Variants in TAS2R1 observed in about 807,000 individuals in gnomAD.
TAS2R1 encodes the protein taste 2 receptor member 1, also known as taste receptor type 2 member 1.
For missense variants in TAS2R1, 370 were observed against 353.4 expected (o/e 1.05, Z -0.38); for synonymous variants, 141 against 134.2 (o/e 1.05, Z -0.35).
chr5:9,766,565 A>C, the TAS2R1 span, among the ~76,000 whole-genome samples: 1 of 152,178 alleles, frequency 6.6e-6, no homozygotes, highest in Non-Finnish European at 1.5e-5. Flanking sequence ...GAGTCTCATA[A>C]CCCCTTATAA....
At chr5:9,895,480 C>A in the TAS2R1 span, among the ~76,000 whole-genome samples, 1 of 152,224 alleles carries the variant, frequency 6.6e-6, no homozygotes, top group Admixed American at 6.5e-5. Context: ...GGGCAGCAGG[C>A]AGTCTGCTGA....
chr5:9,630,094 G>T lies in TAS2R1; in HGVS notation c.-62C>A, dbSNP rs1739844939. 2.9e-6 allele frequency: 4 copies of T among 1,375,982 alleles called. No homozygotes were observed. The highest frequency in any genetic ancestry group is 3.9e-6 in the Non-Finnish European group (4 of 1,031,358). The allele number at this position is 1,375,982 out of a possible 1,614,324, so 85.2% of individuals were successfully genotyped here. A position where few individuals can be genotyped will look rare whatever the true frequency, so the allele number is the denominator to read the frequency against. Reference sequence around the variant, plus strand: ...AAGTTATAAAGTTTTGGACAGGTTGGGTTGTTCACGCTCTTCAATTAGATC... The same window carrying T: ...AAGTTATAAAGTTTTGGACAGGTTGTGTTGTTCACGCTCTTCAATTAGATC... On this transcript the variant is annotated 5_prime_UTR_variant, in exon 1 of 1. Coordinates refer to ENST00000382492, the MANE Select transcript of TAS2R1 (RefSeq NM_019599.3).
At chr5:9,866,308 C>T in the TAS2R1 span, among the ~76,000 whole-genome samples, 11 of 152,166 alleles carry the variant, frequency 7.2e-5, no homozygotes, top group Admixed American at 3.3e-4. Flanking sequence ...ATCTTAATTG[C>T]GAGTATTTAA....
the TAS2R1 span, among the ~76,000 whole-genome samples, chr5:9,751,835 G>A: frequency 6.6e-6 from 1 of 152,158 alleles, no homozygotes; most frequent in Non-Finnish European, 1.5e-5. Context: ...AATGTCCTAA[G>A]GTACCTAAAC....
chr5:9,817,436 T>A, the TAS2R1 span, among the ~76,000 whole-genome samples: 1 of 152,188 alleles, frequency 6.6e-6, no homozygotes, highest in East Asian at 1.9e-4. Context: ...TAAGAACTGA[T>A]CTAGAAAAAA....
At chr5:9,839,563 C>A in the TAS2R1 span, among the ~76,000 whole-genome samples, 23 of 152,106 alleles carry the variant, frequency 1.5e-4, no homozygotes, top group Admixed American at 9.2e-4. Context: ...TGTGTTTCTA[C>A]GCTGAAACAG....
the TAS2R1 span, among the ~76,000 whole-genome samples, chr5:9,890,777 AC>A: frequency 2.6e-5 from 4 of 152,136 alleles, no homozygotes; most frequent in African/African-American, 4.8e-5. Context: ...AAATTTCTTG[AC>A]CCTGTTTTTA....
the TAS2R1 span, among the ~76,000 whole-genome samples, chr5:9,882,429 C>A: frequency 6.6e-6 from 1 of 152,052 alleles, no homozygotes; most frequent in Non-Finnish European, 1.5e-5. Context: ...AATTCAAGAC[C>A]AGCTAGGCCA....
At chr5:9,834,469 C>A in the TAS2R1 span, among the ~76,000 whole-genome samples, 2 of 152,078 alleles carry the variant, frequency 1.3e-5, no homozygotes, top group African/African-American at 4.8e-5. Flanking sequence ...GCTGGGTACA[C>A]ATAAAAACAG....
chr5:9,891,807 T>G, the TAS2R1 span, among the ~76,000 whole-genome samples: 1 of 152,188 alleles, frequency 6.6e-6, no homozygotes, highest in Non-Finnish European at 1.5e-5. Context: ...AAAGAACTTC[T>G]GTACCCCAAG....
At chr5:9,636,748 C>T (rs1460633739) in intron 2 of TAS2R1, among the ~76,000 whole-genome samples, 1 of 152,036 alleles carries the variant, frequency 6.6e-6, no homozygotes, top group Non-Finnish European at 1.5e-5. Flanking sequence ...AATAGCTACT[C>T]CTGCTTGCTT....
intron 2 of TAS2R1, among the ~76,000 whole-genome samples, chr5:9,647,808 G>A (rs562199198): frequency 6.6e-6 from 1 of 152,156 alleles, no homozygotes; most frequent in African/African-American, 2.4e-5. Flanking sequence ...TTATCGTTAA[G>A]TACATAATAT....
At chr5:9,826,655 C>A in the TAS2R1 span, among the ~76,000 whole-genome samples, 1 of 152,106 alleles carries the variant, frequency 6.6e-6, no homozygotes, top group African/African-American at 2.4e-5. Flanking sequence ...TTTATAACTA[C>A]ACATAAAAAA....
intron 1 of TAS2R1, among the ~76,000 whole-genome samples, chr5:9,701,076 G>A (rs1279365458): frequency 6.6e-6 from 1 of 152,124 alleles, no homozygotes; most frequent in Non-Finnish European, 1.5e-5. Flanking sequence ...CCTGACACAG[G>A]TGAACCCCGC....
Position 9,668,043 on chromosome 5 carries a change from T to C in TAS2R1, c.-241-8462A>G, listed in dbSNP as rs1418001400. 2.6e-5 allele frequency among the ~76,000 whole-genome samples: 4 copies of C among 151,816 alleles called. No individual in the cohort carries two copies. The South Asian group carries it at 6.2e-4, about 24-fold the overall frequency. ...GAATGCAGTAACATGATGCAGGAGA[T>C]AAAAAACAAAATGGCCATATTAAGA... On this transcript the variant is annotated intron_variant, in intron 1 of 2. Transcript: ENST00000506620.
At chr5:9,767,918 C>T in the TAS2R1 span, among the ~76,000 whole-genome samples, 5 of 94,794 alleles carry the variant, frequency 5.3e-5, no homozygotes, top group African/African-American at 8.9e-5. Flanking sequence ...AGCGAGACTC[C>T]GTCTCAAAAA....
the TAS2R1 span, among the ~76,000 whole-genome samples, chr5:9,718,841 G>C: frequency 6.6e-6 from 1 of 151,816 alleles, no homozygotes; most frequent in African/African-American, 2.4e-5. Context: ...AAAATAGGGA[G>C]CATTCTGTTT....
At chr5:9,860,566 G>A in the TAS2R1 span, among the ~76,000 whole-genome samples, 5 of 152,186 alleles carry the variant, frequency 3.3e-5, no homozygotes, top group South Asian at 4.1e-4. Context: ...ACTTCAGGTC[G>A]GCTGTGGATT....
chr5:9,697,396 C>A (rs1741382863), intron 1 of TAS2R1, among the ~76,000 whole-genome samples: 1 of 151,660 alleles, frequency 6.6e-6, no homozygotes, highest in Non-Finnish European at 1.5e-5. Context: ...TTATTCAGGG[C>A]ATTAAAAAAA....
Sources: gnomAD v4.1 joint callset for allele counts (sites outside exome capture counted in the v4.1 genomes callset) on GRCh38, gnomAD v4.1.1 for gene constraint, MANE v1.5 for transcripts, NCBI Gene and HGNC (gene_info 2026-07-23, HGNC 2026-07-21) for gene names.